RAB3C: variants seen among roughly 807,000 people sequenced by gnomAD.
RAB3C encodes the protein ras-related protein Rab-3C.
A neutral mutation model predicts 26.4 loss-of-function variants in RAB3C; 17 were observed. The ratio of observed to expected loss-of-function variants is 0.64; its 90% CI spans 0.44 to 0.97. RAB3C has a LOEUF of 0.97. Among genes scored for constraint, RAB3C ranks in the 50% least tolerant of loss-of-function variants. The pLI is 0.00. For synonymous variants in RAB3C, 91 were observed against 95.9 expected (o/e 0.95, Z 0.30); for missense variants, 242 against 281.9 (o/e 0.86, Z 1.01).
At chr5:58,779,794 G>A (rs1742234257) in intron 3 of RAB3C, among the ~76,000 whole-genome samples, 1 of 152,090 alleles carries the variant, frequency 6.6e-6, no homozygotes, top group African/African-American at 2.4e-5. Context: ...CAATGTGTTT[G>A]GGAGAATTGA....
intron 1 of RAB3C, among the ~76,000 whole-genome samples, chr5:58,608,253 G>A (rs1312607581): frequency 2.0e-5 from 3 of 151,718 alleles, no homozygotes; most frequent in Non-Finnish European, 4.4e-5. Flanking sequence ...CCAAGCAAAT[G>A]GAAAGCAAAA....
intron 1 of RAB3C, among the ~76,000 whole-genome samples, chr5:58,612,552 A>G (rs1019615247): frequency 1.3e-4 from 14 of 105,190 alleles, no homozygotes; most frequent in South Asian, 3.4e-4. Flanking sequence ...ATATATGTAT[A>G]TATATATATA....
At chr5:58,780,643 A>G (rs1431508302) in intron 3 of RAB3C, among the ~76,000 whole-genome samples, 1 of 152,032 alleles carries the variant, frequency 6.6e-6, no homozygotes. Context: ...AGTGCTTACA[A>G]TGCATTCAGC....
chr5:58,809,958 T>G (rs547378500), intron 3 of RAB3C, among the ~76,000 whole-genome samples: 1 of 152,362 alleles, frequency 6.6e-6, no homozygotes, highest in East Asian at 1.9e-4. Context: ...TTTACTGTTC[T>G]TCCGTTTCAC....
At chr5:58,760,040 C>T (rs1741764008) in intron 3 of RAB3C, among the ~76,000 whole-genome samples, 1 of 152,166 alleles carries the variant, frequency 6.6e-6, no homozygotes, top group African/African-American at 2.4e-5. Flanking sequence ...GTCTCCCTGA[C>T]CTAGATAAGA....
intron 4 of RAB3C, among the ~76,000 whole-genome samples, chr5:58,827,427 C>G (rs1217569625): frequency 2.0e-5 from 3 of 152,124 alleles, no homozygotes; most frequent in African/African-American, 7.2e-5. Flanking sequence ...GTCATTGATA[C>G]ATAGGAGGCA....
chr5:58,850,599 G>C (rs1744094339), intron 4 of RAB3C, among the ~76,000 whole-genome samples: 1 of 152,184 alleles, frequency 6.6e-6, no homozygotes, highest in South Asian at 2.1e-4. Context: ...TTATATTGGA[G>C]CTTGGTATTC....
rs1744024330 is a variant in RAB3C at position 58,847,229 on chromosome 5, G to C, written c.497-3935G>C. 1.3e-5 allele frequency among the ~76,000 whole-genome samples: 2 copies of C among 152,192 alleles called. 1 individual carries two copies. The highest frequency in any genetic ancestry group is 1.3e-4 in the Admixed American group (2 of 15,288). ...CTGGATGATGTAGTCTGAGAGACAG[G>C]TGTTCAAGGCTGTAAGCTAAATCAG... On this transcript the variant is annotated intron_variant, in intron 4 of 4. Transcript: ENST00000282878.
rs546562864 is a variant in RAB3C at position 58,662,872 on chromosome 5, A to G, written c.252+45002A>G. Among the ~76,000 whole-genome samples, 16 of 150,370 alleles carry G rather than the reference A, an allele frequency of 1.1e-4. 2 individuals carry two copies. The highest frequency in any genetic ancestry group is 3.8e-4 in the African/African-American group (15 of 39,732). The stretch of plus-strand genomic sequence containing the variant: ...TCTATTTCTTAATTGTGGTAGTTCA[A>G]TTATGTTTGTCAGAACTTATTGAAC... On this transcript the variant is annotated intron_variant, in intron 2 of 4. Transcript: ENST00000282878.
intron 1 of RAB3C, among the ~76,000 whole-genome samples, chr5:58,588,791 A>G (rs1444815672): frequency 1.3e-5 from 2 of 152,054 alleles, no homozygotes; most frequent in South Asian, 2.1e-4. Flanking sequence ...GCCTTGCTAT[A>G]TTTATTTCTA....
intron 2 of RAB3C, among the ~76,000 whole-genome samples, chr5:58,680,225 T>A (rs1182024877): frequency 6.6e-6 from 1 of 152,184 alleles, no homozygotes; most frequent in Non-Finnish European, 1.5e-5. Context: ...TTTAGCTACT[T>A]GTTAATTAGG....
intron 2 of RAB3C, among the ~76,000 whole-genome samples, chr5:58,635,145 G>A (rs185426703): frequency 5.3e-5 from 8 of 152,294 alleles, no homozygotes; most frequent in South Asian, 2.1e-4. Flanking sequence ...GAGCTATCAC[G>A]TGTCCAGAGT....
intron 2 of RAB3C, among the ~76,000 whole-genome samples, chr5:58,725,225 C>T (rs1740862113): frequency 6.6e-6 from 1 of 151,798 alleles, no homozygotes; most frequent in Admixed American, 6.6e-5. Context: ...TGGCAGGTTT[C>T]TTCAGCACTT....
chr5:58,709,595 A>G (rs554958226), intron 2 of RAB3C, among the ~76,000 whole-genome samples: 1 of 152,338 alleles, frequency 6.6e-6, no homozygotes, highest in African/African-American at 2.4e-5. Context: ...CAGAATTGGT[A>G]GGAAGTCACT....
At chr5:58,629,805 A>G (rs1408366188) in intron 2 of RAB3C, among the ~76,000 whole-genome samples, 1 of 152,200 alleles carries the variant, frequency 6.6e-6, no homozygotes, top group Non-Finnish European at 1.5e-5. Context: ...AAATTGGGGA[A>G]GCTGTCAGTG....
intron 3 of RAB3C, among the ~76,000 whole-genome samples, chr5:58,739,874 T>C (rs7736857): frequency 0.041 from 6,234 of 152,324 alleles, 415 homozygotes; most frequent in African/African-American, 0.14. Context: ...ACCAAATGAT[T>C]CTTTTTTGTA....
chr5:58,794,281 G>A (rs1338899131), intron 3 of RAB3C: 1 of 129,020 alleles, frequency 7.8e-6, no homozygotes, highest in African/African-American at 3.2e-5. Context: ...TTTTTTTGTG[G>A]TTCTTCAGAC....
At chr5:58,778,632 A>G (rs1428332963) in intron 3 of RAB3C, among the ~76,000 whole-genome samples, 1 of 152,186 alleles carries the variant, frequency 6.6e-6, no homozygotes, top group Non-Finnish European at 1.5e-5. Context: ...TGAGCCCATC[A>G]TTGAATTAGA....
At chr5:58,610,087 T>A (rs1328902880) in intron 1 of RAB3C, among the ~76,000 whole-genome samples, 1 of 152,072 alleles carries the variant, frequency 6.6e-6, no homozygotes, top group East Asian at 1.9e-4. Flanking sequence ...TCGCCTGGAG[T>A]CCAGATGACA....
Sources: allele counts gnomAD v4.1 joint callset (sites outside exome capture counted in the v4.1 genomes callset), GRCh38; gene constraint gnomAD v4.1.1; transcripts MANE v1.5; gene names NCBI Gene and HGNC (gene_info 2026-07-23, HGNC 2026-07-21).